The following COL11A1 variants were observed in gnomAD, a reference collection of about 807,000 sequenced individuals.
The protein encoded by COL11A1 is collagen type XI alpha 1 chain, also known as collagen alpha-1(XI) chain.
COL11A1 carries 74 observed loss-of-function variants against 265.2 expected under a neutral mutation model. That is an observed-to-expected ratio of 0.28 (90% CI 0.23 to 0.34). The LOEUF (loss-of-function observed/expected upper bound fraction) is 0.34. Ranked by LOEUF, COL11A1 falls within the 10% of genes least tolerant of loss-of-function variation. The pLI is 1.00. For synonymous variants in COL11A1, 816 were observed against 727.6 expected, an observed-to-expected ratio of 1.12 and a Z score of -1.96; for missense variants, 2,165 against 2,263.6, an observed-to-expected ratio of 0.96 and a Z score of 0.88.
intron 1 of COL11A1, among the ~76,000 whole-genome samples, chr1:103,089,930 C>G (rs992766990): frequency 1.3e-5 from 2 of 152,074 alleles, no homozygotes; most frequent in Non-Finnish European, 2.9e-5. Context: ...TCAAGTCCAG[C>G]CTGGCCAACA....
chr1:103,020,096 A>C (rs1666903733), intron 9 of COL11A1, among the ~76,000 whole-genome samples: 1 of 151,684 alleles, frequency 6.6e-6, no homozygotes, highest in Non-Finnish European at 1.5e-5. Context: ...TCCTTTGGGT[A>C]TATACTCAGT....
chr1:103,004,529 C>A (rs998140450), intron 19 of COL11A1, 41 bp from the exon 20 acceptor site: 2 of 1,593,350 alleles, frequency 1.3e-6, no homozygotes, highest in African/African-American at 2.7e-5. Flanking sequence ...AACATTTGGA[C>A]AATGTATCAT....
chr1:102,998,654 T>C lies in COL11A1; in HGVS notation c.2143-291A>G, dbSNP rs11164653. Among the ~76,000 whole-genome samples, 76,829 of 151,446 alleles carry C rather than the reference T, an allele frequency of 0.51. 21,924 individuals carry two copies. Among genetic ancestry groups the C allele is most frequent in the East Asian group, 0.91 (4,686 of 5,154 alleles). ...TTGAATACCACAATAAACTGAAGCT[T>C]AGAGAACAAAAAGGAAAGCAATATA... is the stretch of plus-strand genomic sequence containing the variant. On this transcript the variant is annotated intron_variant, in intron 24 of 66. Coordinates refer to ENST00000370096, the MANE Select transcript of COL11A1 (RefSeq NM_001854.4).
intron 41 of COL11A1, among the ~76,000 whole-genome samples, chr1:102,954,676 T>C (rs1389813184): frequency 6.6e-6 from 1 of 151,816 alleles, no homozygotes; most frequent in Non-Finnish European, 1.5e-5. Context: ...GAAACCCCGT[T>C]TCTACGAAAA....
intron 44 of COL11A1, among the ~76,000 whole-genome samples, chr1:102,938,655 A>G (rs990357409): frequency 6.6e-6 from 1 of 152,138 alleles, no homozygotes; most frequent in Non-Finnish European, 1.5e-5. Flanking sequence ...AAATTTTAAA[A>G]TAAGTATTTA....
chr1:102,888,659 TAAA>T, intron 61 of COL11A1, 29 bp from the exon 62 acceptor site: 1 of 1,613,730 alleles, frequency 6.2e-7, no homozygotes, highest in Non-Finnish European at 8.5e-7. Context: ...AGGACATAAA[TAAA>T]GAAGAGGCAA....
Position 103,051,698 on chromosome 1 carries a change from C to T in COL11A1, c.652-20454G>A, listed in dbSNP as rs1038487807. 6.6e-5 allele frequency among the ~76,000 whole-genome samples: 10 copies of T among 152,200 alleles called. 1 individual carries two copies. Among genetic ancestry groups the T allele is most frequent in the Admixed American group, 3.3e-4 (5 of 15,282 alleles). On this transcript the variant is annotated intron_variant, in intron 4 of 66. Coordinates refer to ENST00000370096, the MANE Select transcript of COL11A1 (RefSeq NM_001854.4). ...AATCACCTGTCTTCTGCATCGCTCA[C>T]GCTGGGAGCTGTAGACTGGAGCTGT...
chr1:102,879,351 G>T (rs963816370), intron 66 of COL11A1, among the ~76,000 whole-genome samples: 1 of 152,052 alleles, frequency 6.6e-6, no homozygotes, highest in African/African-American at 2.4e-5. Flanking sequence ...TCAGCAATAA[G>T]GAGGCAAATG....
At chr1:102,883,157 AG>A in intron 64 of COL11A1, 41 bp downstream of exon 64, 1 of 1,275,302 alleles carries the variant, frequency 7.8e-7, no homozygotes, top group Non-Finnish European at 1.1e-6. Context: ...AAAACATGGC[AG>A]GAACTGTCAA....
At chr1:102,900,612 T>C (rs1653065454) in intron 54 of COL11A1, among the ~76,000 whole-genome samples, 2 of 152,244 alleles carry the variant, frequency 1.3e-5, no homozygotes, top group South Asian at 2.1e-4. Context: ...TATCAATACA[T>C]GGCTTTTAAA....
chr1:102,939,174 T>G (rs932513340), intron 43 of COL11A1, 86 bp from the exon 44 acceptor site: 5 of 1,191,798 alleles, frequency 4.2e-6, no homozygotes, highest in African/African-American at 3.0e-5. Flanking sequence ...AATTTTACCT[T>G]TAATATAATT....
At chr1:102,904,653 T>C (rs1371369677) in intron 54 of COL11A1, among the ~76,000 whole-genome samples, 2 of 151,810 alleles carry the variant, frequency 1.3e-5, no homozygotes, top group Non-Finnish European at 2.9e-5. Flanking sequence ...ATCAGAGAAA[T>C]GCAAATCAAA....
Position 103,078,761 on chromosome 1 carries a change from C to A in COL11A1, c.385G>T (p.Val129Phe). The change falls in exon 3 of 67, where the codon GTT becomes TTT. Residue 129 changes from valine to phenylalanine, a missense_variant. Transcript: ENST00000370096. ...AAAACAGGTGATCTCCCAACCTCAACACCAATTTGCTGAATACCATGCTCA... is the reference window on the plus strand; with the variant it reads ...AAAACAGGTGATCTCCCAACCTCAAAACCAATTTGCTGAATACCATGCTCA... The part of the protein sequence containing the change: ...YNEHGIQQIG[V>F]EVGRSPVFLF... 1 of 1,613,344 alleles carries A rather than the reference C, an allele frequency of 6.2e-7. No homozygotes were observed. Among genetic ancestry groups the A allele is most frequent in the Non-Finnish European group, 8.5e-7 (1 of 1,179,574 alleles).
intron 66 of COL11A1, 111 bp from the exon 67 acceptor site, chr1:102,878,276 T>C: frequency 1.1e-6 from 1 of 937,062 alleles, no homozygotes; most frequent in Non-Finnish European, 1.6e-6. Flanking sequence ...GAGAAGAGAA[T>C]AGAAAAACAA....
chr1:102,912,047 G>T, intron 54 of COL11A1, 112 bp downstream of exon 54: 1 of 876,118 alleles, frequency 1.1e-6, no homozygotes, highest in Non-Finnish European at 1.8e-6. Flanking sequence ...TAGGATTTAT[G>T]ATATTTCTCA....
intron 4 of COL11A1, among the ~76,000 whole-genome samples, chr1:103,069,450 A>G (rs976140031): frequency 6.6e-6 from 1 of 151,846 alleles, no homozygotes. Flanking sequence ...TGAAACAACA[A>G]CGTTCTGATA....
At chr1:103,088,410 C>T (rs189352957) in intron 1 of COL11A1, among the ~76,000 whole-genome samples, 5 of 152,248 alleles carry the variant, frequency 3.3e-5, no homozygotes, top group African/African-American at 9.6e-5. Flanking sequence ...GTGGGGAAAT[C>T]TGTGCCTGTG....
At chr1:103,051,402 C>T (rs927706588) in intron 4 of COL11A1, among the ~76,000 whole-genome samples, 2 of 152,202 alleles carry the variant, frequency 1.3e-5, no homozygotes, top group South Asian at 4.1e-4. Flanking sequence ...ACCCTCTGAG[C>T]CATGTGCGGG....
intron 28 of COL11A1, among the ~76,000 whole-genome samples, 166 bp downstream of exon 28, chr1:102,995,698 T>G (rs764026875): frequency 1.3e-5 from 2 of 152,088 alleles, no homozygotes; most frequent in African/African-American, 2.4e-5. Context: ...TCACAAGATA[T>G]AAGACATTGT....
Sources: gnomAD v4.1 joint callset for allele counts (sites outside exome capture counted in the v4.1 genomes callset) on GRCh38, gnomAD v4.1.1 for gene constraint, MANE v1.5 for transcripts, NCBI Gene and HGNC (gene_info 2026-07-23, HGNC 2026-07-21) for gene names.